TRPC4: variants seen among roughly 807,000 people sequenced by gnomAD.
The protein encoded by TRPC4 is short transient receptor potential channel 4.
In TRPC4, 49 loss-of-function variants were observed where a neutral mutation model predicts 99.4. The ratio of observed to expected loss-of-function variants is 0.49; its 90% CI spans 0.39 to 0.63. The LOEUF is 0.63. Ranked by LOEUF, TRPC4 falls within the 20% of genes least tolerant of loss-of-function variation. TRPC4 has a pLI of 0.00. For missense variants in TRPC4, 898 were observed against 1,152.9 expected (o/e 0.78, Z 3.20); for synonymous variants, 454 against 425.9 (o/e 1.07, Z -0.81).
At chr13:37,757,156 ATAAT>A (rs1193979487) in intron 2 of TRPC4, among the ~76,000 whole-genome samples, 2 of 152,074 alleles carry the variant, frequency 1.3e-5, no homozygotes, top group African/African-American at 2.4e-5. Flanking sequence ...ACACTGGAAG[ATAAT>A]TAGACTACTT....
chr13:37,838,165 A>G (rs73462428), intron 1 of TRPC4, among the ~76,000 whole-genome samples: 5,692 of 152,290 alleles, frequency 0.037, 372 homozygotes, highest in African/African-American at 0.13. Context: ...GTGAAAATGG[A>G]CTAACACATA....
chr13:37,811,405 A>G (rs1957681121), intron 1 of TRPC4, among the ~76,000 whole-genome samples: 1 of 152,148 alleles, frequency 6.6e-6, no homozygotes, highest in Admixed American at 6.6e-5. Flanking sequence ...AAAAAGACAG[A>G]CATGATTATC....
chr13:37,653,901 A>G (rs1371725462), intron 7 of TRPC4, among the ~76,000 whole-genome samples: 1 of 152,172 alleles, frequency 6.6e-6, no homozygotes, highest in Non-Finnish European at 1.5e-5. Flanking sequence ...TTAGGAGAAT[A>G]TAGAACTTCT....
At chr13:37,687,758 C>CTCTTTCTAATCCATCATTCAG (rs1953537279) in intron 4 of TRPC4, among the ~76,000 whole-genome samples, 1 of 152,220 alleles carries the variant, frequency 6.6e-6, no homozygotes, top group Non-Finnish European at 1.5e-5. Context: ...TAGCCTCGAG[C>CTCTTTCTAATCCATCATTCAG]TCTTTCTAAT....
intron 4 of TRPC4, among the ~76,000 whole-genome samples, chr13:37,683,435 A>G (rs1423508951): frequency 6.6e-6 from 1 of 152,142 alleles, no homozygotes; most frequent in Non-Finnish European, 1.5e-5. Flanking sequence ...GCCAGGACTC[A>G]AGAGGGATTT....
chr13:37,864,735 G>A (rs1959625362), intron 1 of TRPC4, among the ~76,000 whole-genome samples: 1 of 151,500 alleles, frequency 6.6e-6, no homozygotes, highest in South Asian at 2.1e-4. Context: ...ATTTATACTT[G>A]GGACATCTGG....
rs563653557 is a variant in TRPC4, at chr13:37,728,933, G to T, written c.897+17004C>A. Among the ~76,000 whole-genome samples the T allele has an allele frequency of 6.0e-4, 92 of 152,186 alleles. 1 individual carries two copies. Among genetic ancestry groups the T allele is most frequent in the African/African-American group, 1.9e-3 (77 of 41,558 alleles). On this transcript the variant is annotated intron_variant, in intron 3 of 10. Transcript: ENST00000379705. The stretch of plus-strand genomic sequence containing the variant: ...GCCAAGACCATTCAATAGGGGAAAA[G>T]AAAGTTTTTTCAACAAATGGTGCTG...
At chr13:37,696,413 A>G (rs1953905787) in intron 3 of TRPC4, among the ~76,000 whole-genome samples, 2 of 152,080 alleles carry the variant, frequency 1.3e-5, no homozygotes, top group South Asian at 4.1e-4. Context: ...TATATAAAAC[A>G]AATAAATCAA....
intron 1 of TRPC4, among the ~76,000 whole-genome samples, chr13:37,800,673 A>G (rs1257928943): frequency 2.0e-5 from 3 of 152,084 alleles, no homozygotes; most frequent in Admixed American, 2.0e-4. Context: ...TAAAATATAT[A>G]CATGTGTATA....
chr13:37,688,770 T>C (rs1006097942), intron 4 of TRPC4, among the ~76,000 whole-genome samples: 1 of 152,080 alleles, frequency 6.6e-6, no homozygotes, highest in African/African-American at 2.4e-5. Context: ...TCAAGAAGAC[T>C]TGAGAAAAAA....
In TRPC4 at chr13:37,812,808, G is replaced by C. The variant is rs78440146; in HGVS notation, c.-27-29448C>G. 8.9e-3 allele frequency among the ~76,000 whole-genome samples: 1,354 copies of C among 152,060 alleles called. 35 individuals are homozygous for C. In the East Asian group the frequency reaches 0.1, roughly 11 times the overall value. Reference sequence around the variant, plus strand: ...AGAAACATAAAGAAAACTACAGCAAGTCATGTGATAATCAAATTTCTTAAA... The same window carrying C: ...AGAAACATAAAGAAAACTACAGCAACTCATGTGATAATCAAATTTCTTAAA... On this transcript the variant is annotated intron_variant, in intron 1 of 10. Transcript: ENST00000379705.
At position 37,843,198 on chromosome 13, in the gene TRPC4, T is replaced by G. The variant is rs185297366; in HGVS notation, c.-28+26397A>C. Among the ~76,000 whole-genome samples, 24 of 152,318 alleles carry G rather than the reference T, an allele frequency of 1.6e-4. 1 individual carries two copies. The highest frequency in any genetic ancestry group is 7.2e-4 in the Admixed American group (11 of 15,300). ...TCTAGAACTAGTTTTGTCATCTGTATAGTAGGAATGATGATGTTTTATGAG... is the reference window on the plus strand; with the variant it reads ...TCTAGAACTAGTTTTGTCATCTGTAGAGTAGGAATGATGATGTTTTATGAG... On this transcript the variant is annotated intron_variant, in intron 1 of 10. Coordinates refer to ENST00000379705, the MANE Select transcript of TRPC4 (RefSeq NM_016179.4).
Position 37,634,709 on chromosome 13 carries a change from C to T in TRPC4, c.*2194G>A, listed in dbSNP as rs148723915. On this transcript the variant is annotated 3_prime_UTR_variant, in exon 11 of 11. Transcript: ENST00000379705. ...GGGAAAAAACAAAATAAAACAACAA[C>T]GCACAAGAGAGGCAAAAAGAAATTA... Among the ~76,000 whole-genome samples the T allele has an allele frequency of 2.2e-4, 34 of 152,080 alleles. No individual in the cohort carries two copies. The East Asian group carries it at 2.7e-3, about 12-fold the overall frequency.
intron 3 of TRPC4, among the ~76,000 whole-genome samples, chr13:37,722,097 C>T (rs148487426): frequency 1.8e-3 from 273 of 152,292 alleles, no homozygotes; most frequent in Non-Finnish European, 3.4e-3. Flanking sequence ...AATAAAATGT[C>T]TATTTCACAG....
At chr13:37,686,069 TAA>T (rs1953463256) in intron 4 of TRPC4, among the ~76,000 whole-genome samples, 1 of 152,146 alleles carries the variant, frequency 6.6e-6, no homozygotes, top group South Asian at 2.1e-4. Flanking sequence ...GCTAGTTTGC[TAA>T]GATTATTTGA....
At chr13:37,861,684 G>A (rs1338969383) in intron 1 of TRPC4, among the ~76,000 whole-genome samples, 1 of 151,492 alleles carries the variant, frequency 6.6e-6, no homozygotes, top group Non-Finnish European at 1.5e-5. Flanking sequence ...ATAAAAATGT[G>A]CAGTTCAGCT....
chr13:37,801,363 T>C (rs1300054830), intron 1 of TRPC4, among the ~76,000 whole-genome samples: 5 of 152,092 alleles, frequency 3.3e-5, no homozygotes, highest in South Asian at 2.1e-4. Context: ...TGCATCATCC[T>C]TCACTCCACT....
In TRPC4 at chr13:37,639,044, A is replaced by T. The variant is rs763716132; in HGVS notation, c.2207T>A (p.Phe736Tyr). 8.1e-6 allele frequency: 13 copies of T among 1,613,448 alleles called. No homozygotes were observed. Among genetic ancestry groups the T allele is most frequent in the Middle Eastern group, 1.7e-4 (1 of 6,056 alleles). ...KTEEGLTEEN[F>Y]KELKQDISSF... Reference sequence around the variant, plus strand: ...GATGAAGATGAAAATGGTTACCTTAAAGTTCTCTTCGGTCAGGCCTTCTTC... The same window carrying T: ...GATGAAGATGAAAATGGTTACCTTATAGTTCTCTTCGGTCAGGCCTTCTTC... The change falls in exon 10 of 11, where the codon TTT becomes TAT. Residue 736 changes from phenylalanine to tyrosine, a missense_variant. Physicochemically the swap from Phe to Tyr is conservative, Grantham distance 22 (BLOSUM62 3). Around this residue, in one of 3 missense-constraint regions of TRPC4, gnomAD observed 346 missense variants for 351.4 expected, o/e 0.98. Coordinates refer to ENST00000379705, the MANE Select transcript of TRPC4 (RefSeq NM_016179.4).
In TRPC4 at chr13:37,707,859, T is replaced by C. The variant is rs916997640; in HGVS notation, c.898-15524A>G. On this transcript the variant is annotated intron_variant, in intron 3 of 10. Transcript: ENST00000379705. ...TACAGCTAACTGATTCATCTTACTC[T>C]TTCATTTTCACTTAAGAAATGATAA... Among the ~76,000 whole-genome samples, 20 of 152,270 alleles carry C rather than the reference T, an allele frequency of 1.3e-4. No individual in the cohort carries two copies. The East Asian group carries it at 3.9e-3, about 29-fold the overall frequency.
Sources: allele counts gnomAD v4.1 joint callset (sites outside exome capture counted in the v4.1 genomes callset), GRCh38; gene constraint gnomAD v4.1.1; regional missense constraint gnomAD v4.1.1; transcripts MANE v1.5; gene names NCBI Gene and HGNC (gene_info 2026-07-23, HGNC 2026-07-21).